JAM2: variants seen among roughly 807,000 people sequenced by gnomAD.
The protein encoded by JAM2 is junctional adhesion molecule 2.
A neutral mutation model predicts 42.0 loss-of-function variants in JAM2; 17 were observed. The ratio of observed to expected loss-of-function variants is 0.40; its 90% CI spans 0.28 to 0.61. The LOEUF (loss-of-function observed/expected upper bound fraction) is 0.61. JAM2 is among the 20% of genes least tolerant of loss of function. JAM2 has a pLI of 0.37. For synonymous variants in JAM2, 118 were observed against 128.6 expected, an observed-to-expected ratio of 0.92 and a Z score of 0.56; for missense variants, 319 against 358.3, an observed-to-expected ratio of 0.89 and a Z score of 0.89.
intron 2 of JAM2, 99 bp downstream of exon 2, chr21:25,684,047 T>C (rs1003324991): frequency 7.2e-6 from 5 of 690,756 alleles, no homozygotes; most frequent in Non-Finnish European, 7.0e-6. Context: ...TTCTCTGCCT[T>C]ACCTTCTACT....
At chr21:25,644,286 A>C (rs2123301067) in intron 1 of JAM2, 1 of 152,400 alleles carries the variant, frequency 6.6e-6, no homozygotes, top group East Asian at 1.9e-4. Context: ...AAAACAATAC[A>C]AATTGATTGT....
intron 3 of JAM2, 103 bp from the exon 4 acceptor site, chr21:25,693,653 G>A (rs1326898022): frequency 2.1e-6 from 2 of 930,258 alleles, no homozygotes; most frequent in Non-Finnish European, 3.2e-6. Context: ...TTTATTAAAA[G>A]GGAAATAAAT....
intron 8 of JAM2, chr21:25,712,071 T>C: frequency 2.6e-6 from 1 of 388,720 alleles, no homozygotes; most frequent in South Asian, 3.0e-5. Flanking sequence ...CTCTGGTTTG[T>C]GTATTCCACA....
rs1210992385 is a variant in JAM2 at position 25,651,048 on chromosome 21, T to C, written c.67+11160T>C. On this transcript the variant is annotated intron_variant, in intron 1 of 9. Transcript: ENST00000480456. Reference sequence around the variant, plus strand: ...ATAGGTAAATAAATAAATAAAACCATACCTCCCCCCGCCAAAAAAAAAAAA... The same window carrying C: ...ATAGGTAAATAAATAAATAAAACCACACCTCCCCCCGCCAAAAAAAAAAAA... 7.9e-5 allele frequency among the ~76,000 whole-genome samples: 4 copies of C among 50,434 alleles called. No individual in the cohort carries two copies. The Admixed American group carries it at 1.0e-3, about 13-fold the overall frequency. 33.1% of individuals were successfully genotyped at this position (50,434 alleles called of 152,430 possible). A position where few individuals can be genotyped will look rare whatever the true frequency, so the allele number is the denominator to read the frequency against.
At position 25,692,912 on chromosome 21, in the gene JAM2, G is replaced by A. The variant is rs1601043264; in HGVS notation, c.242-844G>A. On this transcript the variant is annotated intron_variant, in intron 3 of 9. Coordinates refer to ENST00000480456, the MANE Select transcript of JAM2 (RefSeq NM_021219.4). The stretch of plus-strand genomic sequence containing the variant: ...ATTATCCCTGTTTTATGTGAGTGAA[G>A]GCAAAGACCTAAAATGGCTTGTTAA... Among the ~76,000 whole-genome samples the A allele has an allele frequency of 2.6e-5, 4 of 152,236 alleles. No individual in the cohort carries two copies. The East Asian group carries it at 7.7e-4, about 29-fold the overall frequency.
Position 25,716,620 on chromosome 21 carries a change from A to T in JAM2, c.*1948A>T, listed in dbSNP as rs912647033. 1.3e-5 allele frequency: 2 copies of T among 152,190 alleles called. No individual in the cohort carries two copies. Among genetic ancestry groups the T allele is most frequent in the African/African-American group, 4.8e-5 (2 of 41,436 alleles). 9.4% of individuals were successfully genotyped at this position (152,190 alleles called of 1,614,324 possible). Reference sequence around the variant, plus strand: ...TAAGGTCCCTGTTAACAACTACTTGACTCTGCCATTGTAGCACAAAGGCAG... The same window carrying T: ...TAAGGTCCCTGTTAACAACTACTTGTCTCTGCCATTGTAGCACAAAGGCAG... On this transcript the variant is annotated 3_prime_UTR_variant, in exon 10 of 10. Coordinates refer to ENST00000480456, the MANE Select transcript of JAM2 (RefSeq NM_021219.4).
intron 1 of JAM2, among the ~76,000 whole-genome samples, chr21:25,654,299 T>C (rs1348411102): frequency 1.3e-5 from 2 of 152,180 alleles, no homozygotes; most frequent in African/African-American, 4.8e-5. Context: ...AGCTTTACAA[T>C]GGAAGGATCA....
At position 25,693,913 on chromosome 21, in the gene JAM2, T is replaced by A; in HGVS notation, c.394+5T>A. On this transcript the variant is annotated splice_donor_5th_base_variant and intron_variant, in intron 4 of 9. Transcript: ENST00000480456. ...CAGTCACTCTGGAAGTATTAGGTGA[T>A]GTGCATGTATGTGTGTGACTACGTC... The A allele has an allele frequency of 1.2e-6, 2 of 1,613,524 alleles. No homozygotes were observed. The highest frequency in any genetic ancestry group is 1.7e-6 in the Non-Finnish European group (2 of 1,179,676).
chr21:25,695,039 G>C (rs2033971520), intron 4 of JAM2, among the ~76,000 whole-genome samples: 1 of 151,162 alleles, frequency 6.6e-6, no homozygotes. Flanking sequence ...GGGGGATTTG[G>C]CAGGGTCATA....
At chr21:25,668,453 T>C (rs1354673725) in intron 1 of JAM2, among the ~76,000 whole-genome samples, 1 of 152,150 alleles carries the variant, frequency 6.6e-6, no homozygotes, top group African/African-American at 2.4e-5. Flanking sequence ...GTGGTCAGAT[T>C]CGGAATGCAT....
At chr21:25,701,875 G>A (rs2034173337) in intron 5 of JAM2, among the ~76,000 whole-genome samples, 1 of 150,996 alleles carries the variant, frequency 6.6e-6, no homozygotes, top group South Asian at 2.1e-4. Context: ...CATGTGTTAT[G>A]AACTTTAAAA....
chr21:25,639,626 G>T lies in JAM2; in HGVS notation c.-196G>T. On this transcript the variant is annotated 5_prime_UTR_variant, in exon 1 of 10. Coordinates refer to ENST00000480456, the MANE Select transcript of JAM2 (RefSeq NM_021219.4). Reference sequence around the variant, plus strand: ...CCCCCATCCCTGGGCTGGAGGACCCGCCTCTTGGCAGCCAGCTGAGAAGGC... The same window carrying T: ...CCCCCATCCCTGGGCTGGAGGACCCTCCTCTTGGCAGCCAGCTGAGAAGGC... The T allele has an allele frequency of 2.0e-6, 1 of 501,838 alleles. No individual in the cohort carries two copies. The highest frequency in any genetic ancestry group is 3.5e-6 in the Non-Finnish European group (1 of 282,982). The allele number at this position is 501,838 out of a possible 1,614,324, so 31.1% of individuals were successfully genotyped here. A position where few individuals can be genotyped will look rare whatever the true frequency, so the allele number is the denominator to read the frequency against.
At chr21:25,680,891 A>T (rs2033616182) in intron 1 of JAM2, among the ~76,000 whole-genome samples, 1 of 152,194 alleles carries the variant, frequency 6.6e-6, no homozygotes, top group African/African-American at 2.4e-5. Context: ...GAACAGAAGG[A>T]TGAAGACTAG....
intron 1 of JAM2, among the ~76,000 whole-genome samples, chr21:25,664,840 T>G (rs1416810051): frequency 6.6e-6 from 1 of 152,230 alleles, no homozygotes; most frequent in African/African-American, 2.4e-5. Flanking sequence ...GTTTAACTTG[T>G]TAACCCAGTC....
At chr21:25,699,042 G>A (rs1286502033) in intron 5 of JAM2, among the ~76,000 whole-genome samples, 163 bp downstream of exon 5, 1 of 152,192 alleles carries the variant, frequency 6.6e-6, no homozygotes, top group East Asian at 1.9e-4. Flanking sequence ...ACGAAGTGAT[G>A]GAAAGAGCTA....
chr21:25,668,851 G>A (rs2033285850), intron 1 of JAM2, among the ~76,000 whole-genome samples: 1 of 152,216 alleles, frequency 6.6e-6, no homozygotes, highest in Non-Finnish European at 1.5e-5. Context: ...CTAGGAAAGT[G>A]TGTTGTCCTG....
intron 8 of JAM2, chr21:25,711,319 T>A: frequency 4.7e-6 from 2 of 425,892 alleles, no homozygotes; most frequent in South Asian, 3.4e-5. Flanking sequence ...CCCAACGCCC[T>A]GTAGTTTGTG....
intron 1 of JAM2, among the ~76,000 whole-genome samples, chr21:25,665,609 C>T (rs1334606397): frequency 6.6e-6 from 1 of 152,152 alleles, no homozygotes; most frequent in Non-Finnish European, 1.5e-5. Context: ...GCCAAGGCTG[C>T]AGTTCAAGTC....
chr21:25,669,389 GAAAAAAA>G (rs1568897658), intron 1 of JAM2, among the ~76,000 whole-genome samples: 33 of 100,402 alleles, frequency 3.3e-4, no homozygotes, highest in Non-Finnish European at 5.2e-4. Flanking sequence ...AGAAAAAAAA[GAAAAAAA>G]GAAAAAAAAA....
Sources: gnomAD v4.1 joint callset for allele counts (sites outside exome capture counted in the v4.1 genomes callset) on GRCh38, gnomAD v4.1.1 for gene constraint, MANE v1.5 for transcripts, NCBI Gene and HGNC (gene_info 2026-07-23, HGNC 2026-07-21) for gene names.